RBFOX1: variants seen among roughly 807,000 people sequenced by gnomAD.
RBFOX1 encodes the protein RNA binding protein fox-1 homolog 1.
RBFOX1 carries 8 observed loss-of-function variants against 57.7 expected under a neutral mutation model. The ratio of observed to expected loss-of-function variants is 0.14; its 90% CI spans 0.08 to 0.25. The LOEUF is 0.25. Among genes scored for constraint, RBFOX1 ranks in the 10% least tolerant of loss-of-function variants. The pLI, the probability that RBFOX1 is intolerant of heterozygous loss-of-function variation, is 1.00. For missense variants in RBFOX1, 611 were observed against 548.5 expected (o/e 1.11, Z -1.14); for synonymous variants, 326 against 222.4 (o/e 1.47, Z -4.15).
intron 1 of RBFOX1, among the ~76,000 whole-genome samples, chr16:5,295,392 A>C (rs977988455): frequency 6.6e-6 from 1 of 152,214 alleles, no homozygotes; most frequent in African/African-American, 2.4e-5. Flanking sequence ...TTGAGACAGC[A>C]CACAGTTATC....
intron 3 of RBFOX1, among the ~76,000 whole-genome samples, chr16:6,915,775 C>A (rs1309044683): frequency 2.0e-5 from 3 of 152,106 alleles, no homozygotes; most frequent in African/African-American, 7.2e-5. Context: ...TGCCCTCAAG[C>A]ACCTGTACTC....
At chr16:6,478,404 TATATATATATATATATATA>T (rs1567368024) in intron 2 of RBFOX1, among the ~76,000 whole-genome samples, 5 of 16,982 alleles carry the variant, frequency 2.9e-4, no homozygotes, top group Admixed American at 7.2e-4. Context: ...TATATATATA[TATATATATATATATATATA>T]TATATATTTT....
At chr16:5,650,353 G>T (rs1303790717) in intron 3 of RBFOX1, among the ~76,000 whole-genome samples, 1 of 151,130 alleles carries the variant, frequency 6.6e-6, no homozygotes, top group East Asian at 2.0e-4. Context: ...GTGGTGGTGT[G>T]GAGGGAGGGA....
intron 4 of RBFOX1, among the ~76,000 whole-genome samples, chr16:7,445,813 A>G (rs1239346166): frequency 6.6e-6 from 1 of 152,234 alleles, no homozygotes; most frequent in Admixed American, 6.5e-5. Flanking sequence ...ACAACAACAA[A>G]TATTTATAGA....
intron 2 of RBFOX1, among the ~76,000 whole-genome samples, chr16:6,401,368 C>T (rs2093060965): frequency 6.6e-6 from 1 of 152,184 alleles, no homozygotes; most frequent in Non-Finnish European, 1.5e-5. Context: ...AATTCTTCCT[C>T]ACAATATAAA....
chr16:5,738,461 G>A (rs184771863), intron 3 of RBFOX1, among the ~76,000 whole-genome samples: 2 of 151,706 alleles, frequency 1.3e-5, no homozygotes, highest in East Asian at 2.0e-4. Context: ...GTGAAACCCT[G>A]TCTCTGCTAA....
At chr16:6,651,111 A>C (rs12923841) in intron 2 of RBFOX1, among the ~76,000 whole-genome samples, 32,420 of 152,136 alleles carry the variant, frequency 0.21, 3,533 homozygotes, top group African/African-American at 0.24. Context: ...CATATTAGCC[A>C]GGCTGATCTC....
At chr16:7,303,231 C>T (rs192658462) in intron 4 of RBFOX1, among the ~76,000 whole-genome samples, 1 of 152,364 alleles carries the variant, frequency 6.6e-6, no homozygotes, top group East Asian at 1.9e-4. Context: ...GCGAAAGCTG[C>T]GCCCCAAACG....
chr16:5,255,086 G>T (rs1355994991), intron 1 of RBFOX1, among the ~76,000 whole-genome samples: 1 of 152,138 alleles, frequency 6.6e-6, no homozygotes, highest in Non-Finnish European at 1.5e-5. Flanking sequence ...AGTTATAGCT[G>T]TAATTTGCAT....
At chr16:6,836,772 AAATTTCT>A (rs1251055599) in intron 3 of RBFOX1, among the ~76,000 whole-genome samples, 2 of 152,218 alleles carry the variant, frequency 1.3e-5, no homozygotes, top group Non-Finnish European at 2.9e-5. Context: ...TTCATTACAG[AAATTTCT>A]AATTTCTGTA....
At chr16:6,606,127 A>C (rs1421258735) in intron 2 of RBFOX1, among the ~76,000 whole-genome samples, 2 of 152,142 alleles carry the variant, frequency 1.3e-5, no homozygotes, top group Non-Finnish European at 2.9e-5. Context: ...AAAAAAAAGA[A>C]ATATACATCT....
At chr16:5,910,156 TG>T (rs1363754608) in intron 4 of RBFOX1, among the ~76,000 whole-genome samples, 1 of 152,190 alleles carries the variant, frequency 6.6e-6, no homozygotes, top group Non-Finnish European at 1.5e-5. Flanking sequence ...CATGGGGGTT[TG>T]TGAAGCCTTT....
intron 4 of RBFOX1, among the ~76,000 whole-genome samples, chr16:7,439,457 T>C (rs973162401): frequency 3.3e-5 from 5 of 152,172 alleles, no homozygotes; most frequent in African/African-American, 9.7e-5. Context: ...ATTTGTATTC[T>C]TCTTGTCTGG....
chr16:5,442,593 C>T (rs981725954), intron 1 of RBFOX1, among the ~76,000 whole-genome samples: 6 of 152,148 alleles, frequency 3.9e-5, no homozygotes, highest in African/African-American at 1.2e-4. Context: ...AGCCATGTTT[C>T]CAGGAGGAGG....
intron 4 of RBFOX1, among the ~76,000 whole-genome samples, chr16:7,173,363 C>T (rs1280178722): frequency 1.3e-5 from 2 of 152,172 alleles, no homozygotes; most frequent in Non-Finnish European, 2.9e-5. Flanking sequence ...TTCCAAACTC[C>T]ATTCACTGTC....
chr16:6,766,521 T>C (rs1445214223), intron 3 of RBFOX1, among the ~76,000 whole-genome samples: 3 of 152,020 alleles, frequency 2.0e-5, no homozygotes, highest in Non-Finnish European at 4.4e-5. Flanking sequence ...GGAATAGCAC[T>C]GTCCAATAGA....
intron 4 of RBFOX1, among the ~76,000 whole-genome samples, chr16:7,064,135 G>C (rs2055316566): frequency 6.6e-6 from 1 of 151,052 alleles, no homozygotes; most frequent in South Asian, 2.1e-4. Flanking sequence ...CATAAGCGTG[G>C]GCCCTAATCC....
At chr16:7,226,345 G>A (rs551319949) in intron 4 of RBFOX1, among the ~76,000 whole-genome samples, 87 of 152,314 alleles carry the variant, frequency 5.7e-4, no homozygotes, top group African/African-American at 2.0e-3. Flanking sequence ...GAAGTGCAGT[G>A]TGTAATGCCC....
At chr16:6,218,798 T>C (rs1001987783) in intron 1 of RBFOX1, among the ~76,000 whole-genome samples, 4 of 151,046 alleles carry the variant, frequency 2.6e-5, no homozygotes, top group African/African-American at 9.8e-5. Context: ...AAATCCGAAG[T>C]CGGAATCTCA....
Sources: allele counts gnomAD v4.1 joint callset (sites outside exome capture counted in the v4.1 genomes callset), GRCh38; gene constraint gnomAD v4.1.1; transcripts MANE v1.5; gene names NCBI Gene and HGNC (gene_info 2026-07-23, HGNC 2026-07-21).